PCNX1: variants seen among roughly 807,000 people sequenced by gnomAD.
PCNX1 encodes pecanex-like protein 1.
Under a neutral mutation model 242.2 loss-of-function variants are expected in PCNX1, and 78 were observed. That is an observed-to-expected ratio of 0.32 (90% CI 0.27 to 0.39). The LOEUF is 0.39. Among genes scored for constraint, PCNX1 ranks in the 10% least tolerant of loss-of-function variants. The pLI is 1.00. For synonymous variants in PCNX1, 1,024 were observed against 1,032.9 expected (o/e 0.99, Z 0.17); for missense variants, 2,581 against 2,856.5 (o/e 0.90, Z 2.20).
chr14:70,908,409 G>T (rs2055667442), intron 1 of PCNX1, among the ~76,000 whole-genome samples: 1 of 152,032 alleles, frequency 6.6e-6, no homozygotes, highest in African/African-American at 2.4e-5. Flanking sequence ...GGTTCCTCGG[G>T]CGCCCGGCAT....
intron 3 of PCNX1, among the ~76,000 whole-genome samples, chr14:70,964,639 G>A (rs2140498887): frequency 6.6e-6 from 1 of 152,218 alleles, no homozygotes; most frequent in Admixed American, 6.5e-5. Context: ...TTTACAAAAA[G>A]GAAAGATGAA....
chr14:71,088,511 A>G, intron 29 of PCNX1, 81 bp downstream of exon 29: 4 of 755,828 alleles, frequency 5.3e-6, no homozygotes, highest in Non-Finnish European at 7.0e-6. Context: ...TCATGGACGC[A>G]TGTATTCTAT....
chr14:70,996,989 A>G (rs1056451032), intron 8 of PCNX1, among the ~76,000 whole-genome samples: 2 of 152,166 alleles, frequency 1.3e-5, no homozygotes, highest in African/African-American at 2.4e-5. Flanking sequence ...TGAAAATGGT[A>G]ATCTAAGATA....
chr14:71,070,957 A>G (rs1349151599), intron 26 of PCNX1, among the ~76,000 whole-genome samples: 4 of 152,192 alleles, frequency 2.6e-5, no homozygotes, highest in East Asian at 1.9e-4. Flanking sequence ...TAGTGTAGCC[A>G]CCTTCATCAG....
At chr14:70,981,008 T>TA (rs2058824030) in intron 6 of PCNX1, among the ~76,000 whole-genome samples, 1 of 152,162 alleles carries the variant, frequency 6.6e-6, no homozygotes. Context: ...AGTACTAAAA[T>TA]AAAGTATGCT....
intron 16 of PCNX1, among the ~76,000 whole-genome samples, chr14:71,030,685 G>C (rs2060356991): frequency 6.6e-6 from 1 of 152,114 alleles, no homozygotes; most frequent in Non-Finnish European, 1.5e-5. Flanking sequence ...GTTTTCCTAA[G>C]AAATCTAGAA....
intron 23 of PCNX1, 60 bp from the exon 24 acceptor site, chr14:71,051,823 G>T: frequency 3.9e-6 from 6 of 1,549,540 alleles, no homozygotes; most frequent in Non-Finnish European, 4.4e-6. Context: ...GTTTTTGCGA[G>T]GGTTTGTTTG....
In PCNX1 at chr14:70,920,727, A is replaced by G. The variant is rs539245374; in HGVS notation, c.153+12724A>G. Among the ~76,000 whole-genome samples the G allele has an allele frequency of 5.3e-5, 8 of 152,324 alleles. 2 individuals carry two copies. The highest frequency in any genetic ancestry group is 1.9e-4 in the African/African-American group (8 of 41,566). ...TTTTACTAATTTATAAATTGAGGCT[A>G]TGAGACAAGTACACAGCCATATTAT... is the stretch of plus-strand genomic sequence containing the variant. On this transcript the variant is annotated intron_variant, in intron 1 of 35. Coordinates refer to ENST00000304743, the MANE Select transcript of PCNX1 (RefSeq NM_014982.3).
intron 28 of PCNX1, among the ~76,000 whole-genome samples, chr14:71,079,598 T>G (rs533885043): frequency 6.6e-6 from 1 of 152,240 alleles, no homozygotes; most frequent in Non-Finnish European, 1.5e-5. Context: ...GGTATCTCAT[T>G]GTGGTTTTGA....
At chr14:70,926,643 T>C (rs1027608632) in intron 1 of PCNX1, among the ~76,000 whole-genome samples, 1 of 152,142 alleles carries the variant, frequency 6.6e-6, no homozygotes, top group African/African-American at 2.4e-5. Flanking sequence ...TGTCTGGCTT[T>C]AAGTGTCAAC....
At chr14:70,944,278 A>G (rs2057376488) in intron 1 of PCNX1, among the ~76,000 whole-genome samples, 1 of 152,210 alleles carries the variant, frequency 6.6e-6, no homozygotes, top group African/African-American at 2.4e-5. Context: ...AGCCACAGGG[A>G]TGGAGCTGTC....
intron 1 of PCNX1, among the ~76,000 whole-genome samples, chr14:70,919,818 A>G (rs2056308533): frequency 7.0e-6 from 1 of 143,370 alleles, no homozygotes; most frequent in Admixed American, 7.8e-5. Context: ...TGCATCTTTT[A>G]TAACTTGCAC....
intron 26 of PCNX1, among the ~76,000 whole-genome samples, chr14:71,063,797 T>C (rs1400886499): frequency 3.3e-5 from 5 of 152,306 alleles, no homozygotes; most frequent in South Asian, 4.1e-4. Context: ...TCTTGATCAG[T>C]TTTTATAGCT....
chr14:70,907,466 TCTG>T lies in PCNX1; in HGVS notation c.-383_-381del, dbSNP rs1392878140. 6.6e-6 allele frequency: 1 copy of T among 152,382 alleles called. No individual in the cohort carries two copies. Among genetic ancestry groups the T allele is most frequent in the Non-Finnish European group, 1.5e-5 (1 of 67,926 alleles). The allele number at this position is 152,382 out of a possible 1,614,324, so 9.4% of individuals were successfully genotyped here. A position where few individuals can be genotyped will look rare whatever the true frequency, so the allele number is the denominator to read the frequency against. On this transcript the variant is annotated 5_prime_UTR_variant, in exon 1 of 36. Transcript: ENST00000304743. ...CGCTCCCTGGCGCCGGGCCTCTTTC[TCTG>T]CCTGGCCCAGGGCTGGCGGCCGGCG...
chr14:71,051,828 T>G (rs1421619895), intron 23 of PCNX1, 55 bp from the exon 24 acceptor site: 3 of 1,571,468 alleles, frequency 1.9e-6, no homozygotes, highest in African/African-American at 1.4e-5. Context: ...TGCGAGGGTT[T>G]GTTTGGCATC....
rs572171166 is a variant in PCNX1, at chr14:71,013,052, A to G, written c.2846A>G (p.Asp949Gly). 9.9e-6 allele frequency: 16 copies of G among 1,614,088 alleles called. No individual in the cohort carries two copies. The highest frequency in any genetic ancestry group is 8.3e-5 in the Admixed American group (5 of 60,024). The change falls in exon 11 of 36, where the codon GAC (aspartate) becomes GGC (glycine). Residue 949 changes from aspartate (D) to glycine (G), a missense_variant. Asp to Gly is a moderately conservative substitution (Grantham distance 94). Transcript: ENST00000304743. ...TIDTDLLEQQDIDLSPDLAAT... is the reference protein window; with the variant it reads ...TIDTDLLEQQGIDLSPDLAAT... ...GATACAGATTTGTTGGAGCAACAGG[A>G]CATTGATCTAAGCCCTGACTTGGCA... is the stretch of plus-strand genomic sequence containing the variant.
Position 71,114,287 on chromosome 14 carries a change from A to G in PCNX1, c.*4352A>G, listed in dbSNP as rs1425020052. 1 of 152,076 alleles carries G rather than the reference A, an allele frequency of 6.6e-6. No homozygotes were observed. Among genetic ancestry groups the G allele is most frequent in the Admixed American group, 6.6e-5 (1 of 15,262 alleles). 9.4% of individuals were successfully genotyped at this position (152,076 alleles called of 1,614,324 possible). A position where few individuals can be genotyped will look rare whatever the true frequency, so the allele number is the denominator to read the frequency against. ...TATCTATCTTTTTTGTTTGTTTTTA[A>G]TTTGGTTGATTGATATGCACCCAGG... On this transcript the variant is annotated 3_prime_UTR_variant, in exon 36 of 36. Transcript: ENST00000304743.
intron 6 of PCNX1, among the ~76,000 whole-genome samples, chr14:70,980,581 T>A (rs1005680110): frequency 1.3e-5 from 2 of 152,154 alleles, no homozygotes; most frequent in African/African-American, 4.8e-5. Context: ...GGGGGTTTTT[T>A]AATTGGTTTT....
intron 6 of PCNX1, among the ~76,000 whole-genome samples, chr14:70,988,068 C>T (rs2059051826): frequency 6.6e-6 from 1 of 152,180 alleles, no homozygotes; most frequent in South Asian, 2.1e-4. Flanking sequence ...AATTATGGCA[C>T]AGGGTACTGT....
Sources: allele counts gnomAD v4.1 joint callset (sites outside exome capture counted in the v4.1 genomes callset), GRCh38; gene constraint gnomAD v4.1.1; transcripts MANE v1.5; gene names NCBI Gene and HGNC (gene_info 2026-07-23, HGNC 2026-07-21).